The following KCNK10 variants were observed in gnomAD, a reference collection of about 807,000 sequenced individuals.
The protein encoded by KCNK10 is potassium channel subfamily K member 10.
In KCNK10, 25 loss-of-function variants were observed where a neutral mutation model predicts 47.7. The observed-to-expected ratio is 0.52, with a 90% CI of 0.38 to 0.73. The LOEUF (loss-of-function observed/expected upper bound fraction) is 0.73, where lower values mean the gene tolerates loss of function less well. Among genes scored for constraint, KCNK10 ranks in the 30% least tolerant of loss-of-function variants. The pLI is 0.00. For synonymous variants in KCNK10, 303 were observed against 285.6 expected (o/e 1.06, Z -0.61); for missense variants, 563 against 714.5 (o/e 0.79, Z 2.42).
chr14:88,261,772 G>GA (rs5810405), intron 2 of KCNK10, among the ~76,000 whole-genome samples: 27 of 140,794 alleles, frequency 1.9e-4, no homozygotes, highest in South Asian at 4.5e-4. Context: ...AAAAGAAAAA[G>GA]AAAAAAAAAA....
At chr14:88,311,559 T>A (rs755139342) in intron 1 of KCNK10, among the ~76,000 whole-genome samples, 89 of 152,268 alleles carry the variant, frequency 5.8e-4, no homozygotes, top group Non-Finnish European at 8.8e-4. Flanking sequence ...TACCAGACTG[T>A]GAGTGCAGGA....
At chr14:88,203,402 G>A (rs144844773) in intron 4 of KCNK10, among the ~76,000 whole-genome samples, 58 of 152,276 alleles carry the variant, frequency 3.8e-4, no homozygotes, top group African/African-American at 1.4e-3. Flanking sequence ...CTGCCTGCCT[G>A]CAACAGCTAC....
intron 2 of KCNK10, among the ~76,000 whole-genome samples, chr14:88,259,618 A>G (rs2139748852): frequency 6.6e-6 from 1 of 152,110 alleles, no homozygotes; most frequent in East Asian, 1.9e-4. Context: ...CACCACACCC[A>G]TCTAATTTTT....
intron 3 of KCNK10, among the ~76,000 whole-genome samples, chr14:88,231,038 G>A (rs1886146027): frequency 6.6e-6 from 1 of 152,092 alleles, no homozygotes; most frequent in Non-Finnish European, 1.5e-5. Flanking sequence ...ACTTTGGGAG[G>A]CCAAGGTGGG....
In KCNK10 at chr14:88,322,695, C is replaced by T. The variant is rs1170731684; in HGVS notation, c.52+52G>A. 8 of 1,612,226 alleles carry T rather than the reference C, an allele frequency of 5.0e-6. No individual in the cohort carries two copies. The highest frequency in any genetic ancestry group is 4.4e-5 in the South Asian group (4 of 91,024). Reference sequence around the variant, plus strand: ...GTGCTTCCACTCAAGGAAGCGCGCACACGCCGGAGACAGAGGCAGGGCGAG... The same window carrying T: ...GTGCTTCCACTCAAGGAAGCGCGCATACGCCGGAGACAGAGGCAGGGCGAG... On this transcript the variant is annotated intron_variant, in intron 1 of 6. Coordinates refer to ENST00000319231, the MANE Select transcript of KCNK10 (RefSeq NM_138317.3). This position sits in a 1 kb window ranked among gnomAD's most constrained non-coding sequence, Gnocchi z 4.8.
intron 1 of KCNK10, among the ~76,000 whole-genome samples, chr14:88,283,081 G>A (rs1887685097): frequency 1.3e-5 from 2 of 152,164 alleles, no homozygotes; most frequent in African/African-American, 4.8e-5. Context: ...ACTGCTGTAT[G>A]CATCTATTAA....
chr14:88,310,149 ATC>A (rs5810410), intron 1 of KCNK10, among the ~76,000 whole-genome samples: 13,059 of 27,744 alleles, frequency 0.47, 2,478 homozygotes, highest in East Asian at 0.56. Flanking sequence ...TTTAATCCAT[ATC>A]TCTCTCATAT....
intron 2 of KCNK10, among the ~76,000 whole-genome samples, chr14:88,244,398 G>T (rs1886568734): frequency 6.6e-6 from 1 of 152,212 alleles, no homozygotes; most frequent in Admixed American, 6.5e-5. Flanking sequence ...GCCGGGCACG[G>T]TGGCTCATGC....
At chr14:88,242,198 T>C (rs1472636818) in intron 2 of KCNK10, among the ~76,000 whole-genome samples, 1 of 152,242 alleles carries the variant, frequency 6.6e-6, no homozygotes, top group Admixed American at 6.5e-5. Flanking sequence ...ACAGTGGTTG[T>C]CACAAATCAG....
intron 4 of KCNK10, among the ~76,000 whole-genome samples, chr14:88,225,375 A>G (rs1885950284): frequency 1.3e-5 from 2 of 152,142 alleles, no homozygotes; most frequent in Admixed American, 1.3e-4. Flanking sequence ...ATGGTGCTGC[A>G]AGGAGCTGAG....
intron 4 of KCNK10, among the ~76,000 whole-genome samples, chr14:88,223,076 G>A (rs1885869553): frequency 2.0e-5 from 3 of 152,102 alleles, no homozygotes; most frequent in Non-Finnish European, 4.4e-5. Flanking sequence ...AGGAAGGAAG[G>A]ATTCTCATGC....
chr14:88,245,786 CA>C (rs752358470), intron 2 of KCNK10, among the ~76,000 whole-genome samples: 1 of 152,138 alleles, frequency 6.6e-6, no homozygotes, highest in Admixed American at 6.5e-5. Flanking sequence ...GCTGGATGAC[CA>C]GTTGATCTAT....
chr14:88,286,409 T>C (rs960866514), intron 1 of KCNK10, among the ~76,000 whole-genome samples: 1 of 152,182 alleles, frequency 6.6e-6, no homozygotes, highest in African/African-American at 2.4e-5. Flanking sequence ...CATTCATCTA[T>C]ATTGTGATAG....
intron 1 of KCNK10, among the ~76,000 whole-genome samples, chr14:88,284,036 A>T (rs1254123638): frequency 6.6e-6 from 1 of 152,188 alleles, no homozygotes; most frequent in African/African-American, 2.4e-5. Context: ...ATTAAGTTTA[A>T]CACAATATAA....
intron 5 of KCNK10, among the ~76,000 whole-genome samples, chr14:88,191,336 A>G (rs952081905): frequency 1.1e-5 from 1 of 88,976 alleles, no homozygotes; most frequent in Non-Finnish European, 2.4e-5. Context: ...GAACTGGTAA[A>G]GGAAACACAC....
chr14:88,298,107 C>A (rs1259732312), intron 1 of KCNK10, among the ~76,000 whole-genome samples: 1 of 152,040 alleles, frequency 6.6e-6, no homozygotes, highest in Non-Finnish European at 1.5e-5. Context: ...ATGTAAGTAT[C>A]CCAAAATATA....
In KCNK10 at chr14:88,185,338, C is replaced by G; in HGVS notation, c.*197G>C. 1 of 769,388 alleles carries G rather than the reference C, an allele frequency of 1.3e-6. No individual in the cohort carries two copies. The highest frequency in any genetic ancestry group is 1.9e-5 in the South Asian group (1 of 51,798). 47.7% of individuals were successfully genotyped at this position (769,388 alleles called of 1,614,324 possible). On this transcript the variant is annotated 3_prime_UTR_variant, in exon 7 of 7. Coordinates refer to ENST00000319231, the MANE Select transcript of KCNK10 (RefSeq NM_138317.3). This position sits in a 1 kb window ranked among gnomAD's most constrained non-coding sequence, Gnocchi z 4.3. Reference sequence around the variant, plus strand: ...TCTTGGTGTGTCCTGCGTTTGCTATCTGAAATGAAGTTCTTGTTCTCTGAT... The same window carrying G: ...TCTTGGTGTGTCCTGCGTTTGCTATGTGAAATGAAGTTCTTGTTCTCTGAT...
At chr14:88,323,366 C>A, upstream of KCNK10, 1 of 916,378 alleles carries the variant, frequency 1.1e-6, no homozygotes, top group Non-Finnish European at 1.3e-6. Flanking sequence ...CTTCCCGCTC[C>A]CCGAAAGCCA....
chr14:88,228,521 G>A (rs976688986), intron 3 of KCNK10, among the ~76,000 whole-genome samples: 13 of 152,152 alleles, frequency 8.5e-5, no homozygotes, highest in Non-Finnish European at 1.8e-4. Context: ...ATGTTAAAAA[G>A]TATCTAGACA....
Sources: allele counts gnomAD v4.1 joint callset (sites outside exome capture counted in the v4.1 genomes callset), GRCh38; gene constraint gnomAD v4.1.1; non-coding constraint Gnocchi (gnomAD v3.1); transcripts MANE v1.5; gene names NCBI Gene and HGNC (gene_info 2026-07-23, HGNC 2026-07-21).